Variants in GRIK3 observed in about 807,000 individuals in gnomAD.
GRIK3 encodes the protein glutamate ionotropic receptor kainate type subunit 3, also known as glutamate receptor ionotropic, kainate 3.
A neutral mutation model predicts 102.5 loss-of-function variants in GRIK3; 29 were observed. The ratio of observed to expected loss-of-function variants is 0.28; its 90% confidence interval spans 0.21 to 0.39. The LOEUF (loss-of-function observed/expected upper bound fraction) is 0.39. Ranked by LOEUF, GRIK3 falls within the 10% of genes least tolerant of loss-of-function variation. GRIK3 has a pLI of 1.00. For missense variants in GRIK3, 908 were observed against 1,252.4 expected (o/e 0.73, Z 4.15); for synonymous variants, 511 against 504.9 (o/e 1.01, Z -0.16).
intron 10 of GRIK3, among the ~76,000 whole-genome samples, chr1:36,840,789 G>A (rs899721372): frequency 6.7e-6 from 1 of 149,394 alleles, no homozygotes; most frequent in African/African-American, 2.6e-5. Context: ...GAACTTACCC[G>A]GTCACACAAC....
rs1020840062 is a variant in GRIK3 at position 37,034,328 on chromosome 1, GC to G, written c.-221del. Among the ~76,000 whole-genome samples the G allele has an allele frequency of 6.7e-6, 1 of 149,458 alleles. No individual in the cohort carries two copies. The highest frequency in any genetic ancestry group is 1.5e-5 in the Non-Finnish European group (1 of 67,098). ...CCCGCCTGGCTGCCGCCCACGGGCT[GC>G]CCGCGAGCGAGGCTCCTGGGCTCCG... On this transcript the variant is annotated 5_prime_UTR_variant, in exon 1 of 16. Coordinates refer to ENST00000373091, the MANE Select transcript of GRIK3 (RefSeq NM_000831.4).
At chr1:36,901,753 T>G (rs1641233892) in intron 1 of GRIK3, among the ~76,000 whole-genome samples, 1 of 152,058 alleles carries the variant, frequency 6.6e-6, no homozygotes, top group Admixed American at 6.5e-5. Flanking sequence ...ACGAAAGAAA[T>G]TCAGATTGGG....
chr1:36,849,847 G>A, intron 9 of GRIK3: 1 of 156,330 alleles, frequency 6.4e-6, no homozygotes, highest in Non-Finnish European at 1.4e-5. Flanking sequence ...TGTGGCAGTG[G>A]CTGACGGCTC....
intron 1 of GRIK3, among the ~76,000 whole-genome samples, chr1:36,954,495 G>A (rs562509701): frequency 1.4e-3 from 211 of 152,342 alleles, no homozygotes; most frequent in Non-Finnish European, 2.3e-3. Context: ...AAAGCATGTG[G>A]GGAGCCACTC....
At chr1:36,814,292 G>A (rs1032594339) in intron 13 of GRIK3, among the ~76,000 whole-genome samples, 2 of 152,132 alleles carry the variant, frequency 1.3e-5, no homozygotes, top group African/African-American at 4.8e-5. Flanking sequence ...CACTTTGATC[G>A]GGAGCCCTGC....
intron 9 of GRIK3, among the ~76,000 whole-genome samples, chr1:36,843,996 C>A (rs1015330682): frequency 6.6e-5 from 10 of 152,244 alleles, no homozygotes; most frequent in Non-Finnish European, 1.5e-5. Flanking sequence ...CGGTGAAGAC[C>A]TTTGTCAGAG....
chr1:36,834,555 G>A (rs903694438), intron 10 of GRIK3, among the ~76,000 whole-genome samples: 3 of 152,134 alleles, frequency 2.0e-5, no homozygotes, highest in Non-Finnish European at 4.4e-5. Flanking sequence ...CTCCTGAGCT[G>A]ATGGATGTCT....
chr1:36,989,675 G>A lies in GRIK3; in HGVS notation c.115+44319C>T, dbSNP rs113871258. Reference sequence around the variant, plus strand: ...ACTGCTTCCCTGCCCAGTCTCTCCCGTGGCACAGTGGACACAGGCCAGGTC... The same window carrying A: ...ACTGCTTCCCTGCCCAGTCTCTCCCATGGCACAGTGGACACAGGCCAGGTC... On this transcript the variant is annotated intron_variant, in intron 1 of 15. Coordinates refer to ENST00000373091, the MANE Select transcript of GRIK3 (RefSeq NM_000831.4). Among the ~76,000 whole-genome samples the A allele has an allele frequency of 8.5e-3, 1,296 of 152,208 alleles. 10 individuals are homozygous for A. The highest frequency in any genetic ancestry group is 0.012 in the Non-Finnish European group (831 of 68,006).
intron 1 of GRIK3, among the ~76,000 whole-genome samples, chr1:36,947,834 T>C (rs1641801652): frequency 6.6e-6 from 1 of 152,060 alleles, no homozygotes; most frequent in South Asian, 2.1e-4. Flanking sequence ...CTGATACTTG[T>C]TGAATGAGAG....
intron 5 of GRIK3, among the ~76,000 whole-genome samples, chr1:36,867,471 G>A (rs1386941432): frequency 1.3e-5 from 2 of 152,096 alleles, no homozygotes; most frequent in Non-Finnish European, 2.9e-5. Flanking sequence ...TGCTCCCAGG[G>A]TGAGGGTTGT....
intron 13 of GRIK3, among the ~76,000 whole-genome samples, chr1:36,812,699 C>T (rs1642576762): frequency 6.6e-6 from 1 of 152,110 alleles, no homozygotes; most frequent in Admixed American, 6.5e-5. Context: ...AGCCCAGCAT[C>T]CCGCTTCCTG....
intron 1 of GRIK3, among the ~76,000 whole-genome samples, chr1:37,032,560 T>C (rs952396893): frequency 2.0e-5 from 3 of 151,988 alleles, no homozygotes; most frequent in Non-Finnish European, 2.9e-5. Flanking sequence ...GGCACAGAGA[T>C]AGAAGACATT....
Position 36,841,884 on chromosome 1 carries a change from C to A in GRIK3, c.1382G>T (p.Arg461Leu). 1.2e-6 allele frequency: 2 copies of A among 1,614,154 alleles called. No individual in the cohort carries two copies. The highest frequency in any genetic ancestry group is 1.7e-6 in the Non-Finnish European group (2 of 1,179,996). The change falls in exon 10 of 16, where the codon CGG becomes CTG. Residue 461 changes from arginine to leucine, a missense_variant. Coordinates refer to ENST00000373091, the MANE Select transcript of GRIK3 (RefSeq NM_000831.4). ...KSDRTLYGND[R>L]FEGYCIDLLK... The stretch of plus-strand genomic sequence containing the variant: ...CAGGTCGATGCAGTAGCCCTCGAAC[C>A]GGTCATTCCCGTATAGCGTCCTGTC...
chr1:36,984,271 C>T (rs1642281463), intron 1 of GRIK3, among the ~76,000 whole-genome samples: 1 of 152,202 alleles, frequency 6.6e-6, no homozygotes, highest in Non-Finnish European at 1.5e-5. Context: ...CACACTTGCT[C>T]TAATCTAATG....
chr1:36,837,341 T>A (rs1640391486), intron 10 of GRIK3, among the ~76,000 whole-genome samples: 1 of 152,180 alleles, frequency 6.6e-6, no homozygotes, highest in African/African-American at 2.4e-5. Context: ...GGGCTTTTGA[T>A]GTGAGCAGGA....
Position 36,806,030 on chromosome 1 carries a change from T to C in GRIK3, c.2314+74A>G. ...CCATGGAATGAGCTGTGAGACGGAG[T>C]GTGAGGGGACGCGGGGGTGGAGCCC... On this transcript the variant is annotated intron_variant, in intron 14 of 15. Coordinates refer to ENST00000373091, the MANE Select transcript of GRIK3 (RefSeq NM_000831.4). The surrounding 1 kb of genome is among the most constrained non-coding windows in gnomAD (Gnocchi z 4.0). 1.1e-6 allele frequency: 1 copy of C among 881,092 alleles called. No homozygotes were observed. The highest frequency in any genetic ancestry group is 1.5e-5 in the South Asian group (1 of 66,568). 54.6% of individuals were successfully genotyped at this position (881,092 alleles called of 1,614,324 possible).
intron 1 of GRIK3, among the ~76,000 whole-genome samples, chr1:36,986,444 A>ATCCG: frequency 6.9e-6 from 1 of 145,872 alleles, no homozygotes; most frequent in Non-Finnish European, 1.5e-5. Flanking sequence ...CCATCCATCC[A>ATCCG]TCCATCCATC....
chr1:36,895,004 G>A (rs1641157697), intron 1 of GRIK3, among the ~76,000 whole-genome samples: 1 of 152,200 alleles, frequency 6.6e-6, no homozygotes, highest in African/African-American at 2.4e-5. Flanking sequence ...CTCAACTCCA[G>A]CCCACCCTAG....
At chr1:36,830,643 C>CTACTAAA (rs1351300882) in intron 10 of GRIK3, among the ~76,000 whole-genome samples, 1 of 151,790 alleles carries the variant, frequency 6.6e-6, no homozygotes, top group East Asian at 1.9e-4. Flanking sequence ...AACCCCGTCT[C>CTACTAAA]TACTAAAAAT....
Sources: gnomAD v4.1 joint callset for allele counts (sites outside exome capture counted in the v4.1 genomes callset) on GRCh38, gnomAD v4.1.1 for gene constraint, Gnocchi (gnomAD v3.1) non-coding constraint, MANE v1.5 for transcripts, NCBI Gene and HGNC (gene_info 2026-07-23, HGNC 2026-07-21) for gene names.